Variants in DBN1 observed in about 807,000 individuals in gnomAD.
DBN1 encodes drebrin 1.
A neutral mutation model predicts 83.5 loss-of-function variants in DBN1; 21 were observed. That is an observed-to-expected ratio of 0.25 (90% CI 0.18 to 0.36). The LOEUF is 0.36. Among genes scored for constraint, DBN1 ranks in the 10% least tolerant of loss-of-function variants. DBN1 has a pLI of 1.00. For synonymous variants in DBN1, 381 were observed against 384.9 expected, an observed-to-expected ratio of 0.99 and a Z score of 0.12; for missense variants, 874 against 935.7, an observed-to-expected ratio of 0.93 and a Z score of 0.86.
At position 177,467,148 on chromosome 5, in the gene DBN1, G is replaced by A. The variant is rs764916532; in HGVS notation, c.556-86C>T. The stretch of plus-strand genomic sequence containing the variant: ...CCAGCCCCTCCCTAACCCAGCGCTG[G>A]GGGCGGGGCACGTGGCATGGGCCAT... On this transcript the variant is annotated intron_variant, in intron 6 of 14. Coordinates refer to ENST00000393565, the MANE Select transcript of DBN1 (RefSeq NM_001363541.2). The surrounding 1 kb of genome is among the most constrained non-coding windows in gnomAD (Gnocchi z 9.1). 27 of 1,607,450 alleles carry A rather than the reference G, an allele frequency of 1.7e-5. No individual in the cohort carries two copies. Among genetic ancestry groups the A allele is most frequent in the African/African-American group, 1.1e-4 (8 of 74,740 alleles).
intron 13 of DBN1, 27 bp from the exon 14 acceptor site, chr5:177,457,784 G>A (rs961172514): frequency 6.8e-7 from 1 of 1,470,946 alleles, no homozygotes; most frequent in Non-Finnish European, 9.5e-7. Flanking sequence ...CAGGTCACTT[G>A]GCCCCACCCA....
chr5:177,460,451 C>T lies in DBN1; in HGVS notation c.936G>A (p.Ser312=), dbSNP rs745308641. The change falls in exon 10 of 15, where the codon TCG becomes TCA. Residue 312 remains serine, a synonymous_variant. Transcript: ENST00000393565. ...SASAGSCDVP[S]PFNHRPGRPY... ...GACTACCTGGTCGATGGTTGAAGGG[C>T]GAGGGTACATCACAGCTGCCCGCAG... 2 of 1,613,838 alleles carry T rather than the reference C, an allele frequency of 1.2e-6. No individual in the cohort carries two copies. Among genetic ancestry groups the T allele is most frequent in the Non-Finnish European group, 1.7e-6 (2 of 1,179,962 alleles).
intron 1 of DBN1, chr5:177,472,049 T>C: frequency 6.6e-7 from 1 of 1,518,910 alleles, no homozygotes; most frequent in South Asian, 1.2e-5. Context: ...TCAGCCCCCC[T>C]GGGGCAGGGC....
Position 177,460,690 on chromosome 5 carries a change from T to C in DBN1, c.785A>G (p.Asp262Gly), listed in dbSNP as rs1378624116. 5.6e-6 allele frequency: 9 copies of C among 1,613,972 alleles called. No individual in the cohort carries two copies. Among genetic ancestry groups the C allele is most frequent in the African/African-American group, 1.3e-5 (1 of 74,916 alleles). The change falls in exon 9 of 15, where the codon GAT becomes GGT. Residue 262 changes from aspartate (D) to glycine (G), a missense_variant. Asp to Gly is a moderately conservative substitution (Grantham distance 94). Transcript: ENST00000393565. ...KEQSIFGDHR[D>G]EEEETHMKKS... ...CTTCATGTGGGTCTCTTCCTCCTCA[T>C]CCCGATGGTCACCCTAGAAACCAAA...
intron 1 of DBN1, among the ~76,000 whole-genome samples, chr5:177,469,523 G>A (rs183921974): frequency 1.1e-4 from 16 of 152,278 alleles, no homozygotes; most frequent in Non-Finnish European, 5.9e-5. Flanking sequence ...AGTCACTCTC[G>A]CCCAGACTCT....
intron 1 of DBN1, chr5:177,472,988 C>G (rs1405520839): frequency 3.3e-6 from 1 of 299,404 alleles, no homozygotes; most frequent in Non-Finnish European, 4.9e-6. Flanking sequence ...CCGGGCTGAG[C>G]CGGGCAGGCT....
At chr5:177,468,745 G>C in intron 2 of DBN1, 99 bp downstream of exon 2, 1 of 709,776 alleles carries the variant, frequency 1.4e-6, no homozygotes, top group Non-Finnish European at 2.1e-6. Context: ...GGGCTGCAGG[G>C]TGCAGGCAGG....
At position 177,458,620 on chromosome 5, in the gene DBN1, G is replaced by A. The variant is rs1259419114; in HGVS notation, c.1352C>T (p.Pro451Leu). 6.2e-7 allele frequency: 1 copy of A among 1,610,088 alleles called. No individual in the cohort carries two copies. The highest frequency in any genetic ancestry group is 8.5e-7 in the Non-Finnish European group (1 of 1,177,864). ...CCCCCGGGGAGGCGCCTGTGCCTGA[G>A]GGGGCTCCTCCATGGGGCCGGCCCA... is the stretch of plus-strand genomic sequence containing the variant. Reference protein sequence around the residue: ...QAWAGPMEEPPQAQAPPRGPG... With the variant: ...QAWAGPMEEPLQAQAPPRGPG... The change falls in exon 13 of 15, where the codon CCT becomes CTT. Residue 451 changes from proline (P) to leucine (L), a missense_variant. Physicochemically the swap from Pro to Leu is moderately conservative, Grantham distance 98 (BLOSUM62 -3). Coordinates refer to ENST00000393565, the MANE Select transcript of DBN1 (RefSeq NM_001363541.2).
rs527989824 is a variant in DBN1 at position 177,467,990 on chromosome 5, G to A, written c.255+118C>T. 4 of 1,052,870 alleles carry A rather than the reference G, an allele frequency of 3.8e-6. No individual in the cohort carries two copies. In the African/African-American group the frequency reaches 4.8e-5, roughly 13 times the overall value. 65.2% of individuals were successfully genotyped at this position (1,052,870 alleles called of 1,614,324 possible). A position where few individuals can be genotyped will look rare whatever the true frequency, so the allele number is the denominator to read the frequency against. ...TCAGTTCCCTTCCCCAGCCCCGGCCGCATACCCAGTTGATGAGCAGCTCTG... is the reference window on the plus strand; with the variant it reads ...TCAGTTCCCTTCCCCAGCCCCGGCCACATACCCAGTTGATGAGCAGCTCTG... On this transcript the variant is annotated intron_variant, in intron 3 of 14. Transcript: ENST00000393565. The surrounding 1 kb of genome is among the most constrained non-coding windows in gnomAD (Gnocchi z 9.1).
Position 177,460,435 on chromosome 5 carries a change from G to C in DBN1, c.952C>G (p.Pro318Ala). 2 of 1,613,758 alleles carry C rather than the reference G, an allele frequency of 1.2e-6. No homozygotes were observed. The highest frequency in any genetic ancestry group is 1.7e-6 in the Non-Finnish European group (2 of 1,179,936). Residue 318 changes from proline (P) to alanine (A), a missense_variant, in exon 10 of 15, where the codon CCA (proline) becomes GCA (alanine). By Grantham distance (27) the Pro-to-Ala change is conservative (BLOSUM62 -1). Around this residue, in one of 4 missense-constraint regions of DBN1, gnomAD observed 725 missense variants for 719.7 expected, o/e 1.01. Coordinates refer to ENST00000393565, the MANE Select transcript of DBN1 (RefSeq NM_001363541.2). The part of the protein sequence containing the change: ...CDVPSPFNHR[P>A]GRPYCPFIKA... ...GGGGGGTGGGGCCTAGGACTACCTG[G>C]TCGATGGTTGAAGGGCGAGGGTACA...
At position 177,472,390 on chromosome 5, in the gene DBN1, C is replaced by A. The variant is rs1757914159; in HGVS notation, c.86+1046G>T. ...AGAGGAGGCCTAGGAACCAGATGGGCACCTTCCCTAGAAGAAGAGTATTAC... is the reference window on the plus strand; with the variant it reads ...AGAGGAGGCCTAGGAACCAGATGGGAACCTTCCCTAGAAGAAGAGTATTAC... On this transcript the variant is annotated intron_variant, in intron 1 of 14. Coordinates refer to ENST00000393565, the MANE Select transcript of DBN1 (RefSeq NM_001363541.2). 2.7e-6 allele frequency: 4 copies of A among 1,456,298 alleles called. No individual in the cohort carries two copies. The South Asian group carries it at 5.8e-5, about 21-fold the overall frequency. The allele number at this position is 1,456,298 out of a possible 1,614,324, so 90.2% of individuals were successfully genotyped here. A position where few individuals can be genotyped will look rare whatever the true frequency, so the allele number is the denominator to read the frequency against.
intron 8 of DBN1, 84 bp from the exon 9 acceptor site, chr5:177,460,787 ATTTTGT>A (rs1756974763): frequency 2.1e-6 from 3 of 1,427,330 alleles, no homozygotes; most frequent in South Asian, 1.2e-5. Flanking sequence ...TTATTTATTG[ATTTTGT>A]TTTTAAGACA....
chr5:177,467,621 C>A lies in DBN1; in HGVS notation c.337G>T (p.Asp113Tyr). The change falls in exon 5 of 15, where the codon GAC (aspartate) becomes TAC (tyrosine). Residue 113 changes from aspartate (D) to tyrosine (Y), a missense_variant. Physicochemically the swap from Asp to Tyr is radical, Grantham distance 160. Transcript: ENST00000393565. This position sits in a 1 kb window ranked among gnomAD's most constrained non-coding sequence, Gnocchi z 9.1. The part of the protein sequence containing the change: ...AKVAEFFQGV[D>Y]VIVNASSVED... ...ACGCTGCTGGCGTTCACGATCACGT[C>A]GACACCCTTCCGCAAGAAGACGGCA... The A allele has an allele frequency of 6.4e-7, 1 of 1,572,538 alleles. No individual in the cohort carries two copies. The highest frequency in any genetic ancestry group is 2.3e-5 in the East Asian group (1 of 42,624).
In DBN1 at chr5:177,467,185, G is replaced by A. The variant is rs1332671595; in HGVS notation, c.555+70C>T. On this transcript the variant is annotated intron_variant, in intron 6 of 14. Coordinates refer to ENST00000393565, the MANE Select transcript of DBN1 (RefSeq NM_001363541.2). This position sits in a 1 kb window ranked among gnomAD's most constrained non-coding sequence, Gnocchi z 9.1. ...GTGGCATGGGCCATGCCACTGCAGT[G>A]AGGGACTCAGACCTGCCCCATGGGG... 1.4e-5 allele frequency: 23 copies of A among 1,606,766 alleles called. No individual in the cohort carries two copies. The highest frequency in any genetic ancestry group is 6.7e-5 in the East Asian group (3 of 44,842).
At position 177,466,656 on chromosome 5, in the gene DBN1, T is replaced by C; in HGVS notation, c.771+116A>G. ...CCATGGCACCCTGTGCCCATGCAGC[T>C]CCCCAGAACAGCCACCACTGTCCCT... On this transcript the variant is annotated intron_variant, in intron 8 of 14. Transcript: ENST00000393565. This position sits in a 1 kb window ranked among gnomAD's most constrained non-coding sequence, Gnocchi z 4.8. 1 of 1,198,848 alleles carries C rather than the reference T, an allele frequency of 8.3e-7. No individual in the cohort carries two copies. Among genetic ancestry groups the C allele is most frequent in the Non-Finnish European group, 1.2e-6 (1 of 805,336 alleles). 74.3% of individuals were successfully genotyped at this position (1,198,848 alleles called of 1,614,324 possible). A position where few individuals can be genotyped will look rare whatever the true frequency, so the allele number is the denominator to read the frequency against.
In DBN1 at chr5:177,468,909, G is replaced by C. The variant is rs780542615; in HGVS notation, c.87-10C>G. On this transcript the variant is annotated splice_polypyrimidine_tract_variant and intron_variant, in intron 1 of 14. Transcript: ENST00000393565. ...ATATGTGTACAGAGCCCTGGGGAGA[G>C]GGAGGGGTGGCTGTCAAACTGTCAG... is the stretch of plus-strand genomic sequence containing the variant. The C allele has an allele frequency of 1.2e-5, 16 of 1,313,208 alleles. No individual in the cohort carries two copies. Among genetic ancestry groups the C allele is most frequent in the Non-Finnish European group, 1.6e-5 (16 of 1,021,846 alleles). The allele number at this position is 1,313,208 out of a possible 1,614,324, so 81.3% of individuals were successfully genotyped here. A position where few individuals can be genotyped will look rare whatever the true frequency, so the allele number is the denominator to read the frequency against.
Position 177,457,409 on chromosome 5 carries a change from G to A in DBN1, c.*24C>T. ...GATGCAGGTGGGCGGCCTTGGCAAG[G>A]GTAGCCTAGGGCTGGCGCCACCGCT... On this transcript the variant is annotated 3_prime_UTR_variant, in exon 15 of 15. Coordinates refer to ENST00000393565, the MANE Select transcript of DBN1 (RefSeq NM_001363541.2). The A allele has an allele frequency of 1.9e-6, 3 of 1,608,664 alleles. No individual in the cohort carries two copies. The highest frequency in any genetic ancestry group is 1.7e-6 in the Non-Finnish European group (2 of 1,175,238).
rs867134980 is a variant in DBN1 at position 177,467,777 on chromosome 5, G to A, written c.296C>T (p.Ala99Val). The part of the protein sequence containing the change: ...DVPDARKCAC[A>V]SHVAKVAEFF... Reference sequence around the variant, plus strand: ...CTCCGCCACCTTAGCCACGTGGCTGGCACAAGCGCACTTGCGGGCATCAGG... The same window carrying A: ...CTCCGCCACCTTAGCCACGTGGCTGACACAAGCGCACTTGCGGGCATCAGG... Residue 99 changes from alanine to valine, a missense_variant, in exon 4 of 15, where the codon GCC becomes GTC. Transcript: ENST00000393565. This position sits in a 1 kb window ranked among gnomAD's most constrained non-coding sequence, Gnocchi z 9.1. 6.4e-7 allele frequency: 1 copy of A among 1,556,010 alleles called. No homozygotes were observed. The highest frequency in any genetic ancestry group is 8.7e-7 in the Non-Finnish European group (1 of 1,149,800).
chr5:177,471,208 C>T (rs989232914), intron 1 of DBN1, among the ~76,000 whole-genome samples: 6 of 151,986 alleles, frequency 3.9e-5, no homozygotes, highest in Non-Finnish European at 7.4e-5. Flanking sequence ...AGGTGGACCC[C>T]GCAGGACCAT....
Sources: gnomAD v4.1 joint callset for allele counts (sites outside exome capture counted in the v4.1 genomes callset) on GRCh38, gnomAD v4.1.1 for gene constraint, gnomAD v4.1.1 regional missense constraint, Gnocchi (gnomAD v3.1) non-coding constraint, MANE v1.5 for transcripts, NCBI Gene and HGNC (gene_info 2026-07-23, HGNC 2026-07-21) for gene names.